The following SMARCE1 variants were observed in gnomAD, a reference collection of about 807,000 sequenced individuals.
SMARCE1 encodes the protein SWI/SNF-related matrix-associated actin-dependent regulator of chromatin subfamily E member 1.
A neutral mutation model predicts 54.9 loss-of-function variants in SMARCE1; 13 were observed. That is an observed-to-expected ratio of 0.24 (90% CI 0.15 to 0.38). SMARCE1 has a LOEUF of 0.38. Ranked by LOEUF, SMARCE1 falls within the 10% of genes least tolerant of loss-of-function variation. The pLI is 1.00. For missense variants in SMARCE1, 295 were observed against 523.8 expected, an observed-to-expected ratio of 0.56 and a Z score of 4.26; for synonymous variants, 151 against 175.3, an observed-to-expected ratio of 0.86 and a Z score of 1.10.
At chr17:40,643,984 G>A (rs546064863) in intron 3 of SMARCE1, 5 of 156,030 alleles carry the variant, frequency 3.2e-5, no homozygotes, top group African/African-American at 1.2e-4. Context: ...TGGTAGTGGT[G>A]GTGATGGTGG....
intron 7 of SMARCE1, 148 bp downstream of exon 7, chr17:40,635,783 T>C: frequency 2.0e-6 from 1 of 509,864 alleles, no homozygotes; most frequent in Non-Finnish European, 3.2e-6. Flanking sequence ...ATACAAATCT[T>C]ACTCAATATA....
chr17:40,639,045 C>T (rs1441409015), intron 4 of SMARCE1, among the ~76,000 whole-genome samples: 2 of 152,140 alleles, frequency 1.3e-5, no homozygotes, highest in Non-Finnish European at 2.9e-5. Context: ...CCTCTCTTTC[C>T]ATTCCTCCCA....
intron 2 of SMARCE1, 65 bp from the exon 3 acceptor site, chr17:40,645,684 A>G (rs2037248337): frequency 8.2e-7 from 1 of 1,223,842 alleles, no homozygotes; most frequent in Non-Finnish European, 1.1e-6. Flanking sequence ...CAACAAAACT[A>G]CCAATGGTCC....
chr17:40,645,345 C>A (rs989006484), intron 3 of SMARCE1: 2 of 418,656 alleles, frequency 4.8e-6, no homozygotes, highest in Admixed American at 4.4e-5. Flanking sequence ...ACAAAACAAA[C>A]TGAGCACAGG....
Position 40,637,501 on chromosome 17 carries a change from G to A in SMARCE1, c.228C>T (p.Tyr76=), listed in dbSNP as rs2143999516. The part of the protein sequence containing the change: ...PDKPLMPYMR[Y]SRKVWDQVKA... ...GGTCCTAAGCACCTACCTTTCTGCTGTACCTCATGTAGGGCATCAGCGGCT... is the reference window on the plus strand; with the variant it reads ...GGTCCTAAGCACCTACCTTTCTGCTATACCTCATGTAGGGCATCAGCGGCT... The change falls in exon 5 of 11, where the codon TAC becomes TAT. Residue 76 remains tyrosine (Y), a synonymous_variant. Transcript: ENST00000348513. 3 of 1,612,736 alleles carry A rather than the reference G, an allele frequency of 1.9e-6. No individual in the cohort carries two copies. Among genetic ancestry groups the A allele is most frequent in the Middle Eastern group, 3.3e-4 (2 of 6,060 alleles).
Position 40,628,881 on chromosome 17 carries a change from T to C in SMARCE1, c.1140A>G (p.Glu380=). 1.2e-6 allele frequency: 2 copies of C among 1,613,898 alleles called. No homozygotes were observed. The highest frequency in any genetic ancestry group is 1.1e-5 in the South Asian group (1 of 91,074). The stretch of plus-strand genomic sequence containing the variant: ...AGCCAGTGTTACTATCACTGGTTCC[T>C]TCCTCTGCCATACTGTCGACCCCCT... ...GQEGVDSMAE[E]GTSDSNTGSE... The change falls in exon 11 of 11, where the codon GAA becomes GAG. Residue 380 remains glutamate (E), a synonymous_variant. Coordinates refer to ENST00000348513, the MANE Select transcript of SMARCE1 (RefSeq NM_003079.5).
rs1337539624 is a variant in SMARCE1, at chr17:40,636,568, A to C, written c.238-42T>G. 4 of 1,518,796 alleles carry C rather than the reference A, an allele frequency of 2.6e-6. No individual in the cohort carries two copies. The African/African-American group carries it at 5.5e-5, about 21-fold the overall frequency. The allele number at this position is 1,518,796 out of a possible 1,614,324, so 94.1% of individuals were successfully genotyped here. On this transcript the variant is annotated intron_variant, in intron 5 of 10. Coordinates refer to ENST00000348513, the MANE Select transcript of SMARCE1 (RefSeq NM_003079.5). ...ATGAAATGTTAATACTGATGTCTAA[A>C]CGTATAGACCTTTAAAAATAGTTTT...
intron 4 of SMARCE1, chr17:40,641,297 C>T (rs2037198294): frequency 6.6e-6 from 1 of 152,164 alleles, no homozygotes; most frequent in Non-Finnish European, 1.5e-5. Context: ...TGCATACATA[C>T]ACACACTTTG....
chr17:40,642,441 G>C lies in SMARCE1; in HGVS notation c.156+14C>G. 6.8e-7 allele frequency: 1 copy of C among 1,480,070 alleles called. No individual in the cohort carries two copies. Among genetic ancestry groups the C allele is most frequent in the Non-Finnish European group, 9.5e-7 (1 of 1,057,796 alleles). 91.7% of individuals were successfully genotyped at this position (1,480,070 alleles called of 1,614,324 possible). A position where few individuals can be genotyped will look rare whatever the true frequency, so the allele number is the denominator to read the frequency against. On this transcript the variant is annotated intron_variant, in intron 4 of 10. Coordinates refer to ENST00000348513, the MANE Select transcript of SMARCE1 (RefSeq NM_003079.5). This position sits in a 1 kb window ranked among gnomAD's most constrained non-coding sequence, Gnocchi z 4.6. Reference sequence around the variant, plus strand: ...CAGTTGTTTGCCGGATGCTGTAATAGTTGATTCTCCTACCGTGACCCGGCT... The same window carrying C: ...CAGTTGTTTGCCGGATGCTGTAATACTTGATTCTCCTACCGTGACCCGGCT...
chr17:40,645,775 A>T (rs1243714619), intron 2 of SMARCE1, 21 bp downstream of exon 2: 3 of 1,137,392 alleles, frequency 2.6e-6, no homozygotes, highest in African/African-American at 3.2e-5. Context: ...TAGATTGATA[A>T]ATATAAAAAT....
intron 5 of SMARCE1, 164 bp from the exon 6 acceptor site, chr17:40,636,690 T>C: frequency 3.6e-6 from 2 of 556,402 alleles, no homozygotes; most frequent in Non-Finnish European, 6.4e-6. Flanking sequence ...AACTGGCCAA[T>C]CTCAAGTTAT....
In SMARCE1 at chr17:40,636,384, C is replaced by T; in HGVS notation, c.369+11G>A. On this transcript the variant is annotated intron_variant, in intron 6 of 10. Coordinates refer to ENST00000348513, the MANE Select transcript of SMARCE1 (RefSeq NM_003079.5). ...ACACATTATCTATCCCACTGTGAGCCCCTACCCTACCTTTTCTGCTTCGTA... is the reference window on the plus strand; with the variant it reads ...ACACATTATCTATCCCACTGTGAGCTCCTACCCTACCTTTTCTGCTTCGTA... 1 of 1,609,956 alleles carries T rather than the reference C, an allele frequency of 6.2e-7. No homozygotes were observed.
chr17:40,636,686 C>T, intron 5 of SMARCE1, 160 bp from the exon 6 acceptor site: 1 of 566,506 alleles, frequency 1.8e-6, no homozygotes, highest in South Asian at 2.3e-5. Context: ...CAAGAACTGG[C>T]CAATCTCAAG....
At chr17:40,629,377 T>C (rs2037067908) in intron 10 of SMARCE1, 1 of 441,260 alleles carries the variant, frequency 2.3e-6, no homozygotes, top group Non-Finnish European at 3.8e-6. Context: ...AAAACACTTG[T>C]TTTGCTTAAC....
chr17:40,638,561 C>A (rs1000944631), intron 4 of SMARCE1, among the ~76,000 whole-genome samples: 1 of 152,098 alleles, frequency 6.6e-6, no homozygotes, highest in African/African-American at 2.4e-5. Flanking sequence ...CTCTGGTAGA[C>A]CACCCAGATA....
Position 40,642,625 on chromosome 17 carries a change from T to A in SMARCE1, c.52-66A>T. 2.0e-6 allele frequency: 2 copies of A among 1,012,230 alleles called. No homozygotes were observed. Among genetic ancestry groups the A allele is most frequent in the South Asian group, 1.3e-5 (1 of 74,250 alleles). 62.7% of individuals were successfully genotyped at this position (1,012,230 alleles called of 1,614,324 possible). On this transcript the variant is annotated intron_variant, in intron 3 of 10. Coordinates refer to ENST00000348513, the MANE Select transcript of SMARCE1 (RefSeq NM_003079.5). The surrounding 1 kb of genome is among the most constrained non-coding windows in gnomAD (Gnocchi z 4.6). The stretch of plus-strand genomic sequence containing the variant: ...AGCTCAAACGAGGAAAACACAGAAA[T>A]GAAAAATGATCTGCATATGGCATGC...
At position 40,628,810 on chromosome 17, in the gene SMARCE1, A is replaced by G; in HGVS notation, c.1211T>C (p.Ile404Thr). ...TTATTCTTTTTTCTCATCTTCTGGT[A>G]TGGGATCTGTTGGTGGCTCCTCCAC... Reference protein sequence around the residue: ...ATVEEPPTDPIPEDEKKE With the variant: ...ATVEEPPTDPTPEDEKKE Residue 404 changes from isoleucine to threonine, a missense_variant, in exon 11 of 11, where the codon ATA becomes ACA. Around this residue, in one of 5 missense-constraint regions of SMARCE1, gnomAD observed 147 missense variants for 161.4 expected, o/e 0.91. Coordinates refer to ENST00000348513, the MANE Select transcript of SMARCE1 (RefSeq NM_003079.5). The G allele has an allele frequency of 6.2e-7, 1 of 1,613,438 alleles. No homozygotes were observed. The highest frequency in any genetic ancestry group is 8.5e-7 in the Non-Finnish European group (1 of 1,179,498).
In SMARCE1 at chr17:40,626,938, C is replaced by A. The variant is rs1469354816; in HGVS notation, c.*1847G>T. The A allele has an allele frequency of 6.6e-6, 1 of 150,970 alleles. No individual in the cohort carries two copies. The highest frequency in any genetic ancestry group is 2.4e-5 in the African/African-American group (1 of 40,938). 9.4% of individuals were successfully genotyped at this position (150,970 alleles called of 1,614,324 possible). A position where few individuals can be genotyped will look rare whatever the true frequency, so the allele number is the denominator to read the frequency against. On this transcript the variant is annotated 3_prime_UTR_variant, in exon 11 of 11. Transcript: ENST00000348513. ...TATGGACAGGCTTGGTCTGGATAGA[C>A]TTGTCTTCCCACTGCTATTTCCAGC...
chr17:40,626,445 A>G lies in SMARCE1; in HGVS notation c.*2340T>C, dbSNP rs564613137. 1 of 152,068 alleles carries G rather than the reference A, an allele frequency of 6.6e-6. No homozygotes were observed. Among genetic ancestry groups the G allele is most frequent in the Non-Finnish European group, 1.5e-5 (1 of 68,018 alleles). 9.4% of individuals were successfully genotyped at this position (152,068 alleles called of 1,614,324 possible). On this transcript the variant is annotated 3_prime_UTR_variant, in exon 11 of 11. Transcript: ENST00000348513. ...TGCCCAGCACCTTTTGGGACATGGGAAAAAAACAAAGACCTCTACCATATC... is the reference window on the plus strand; with the variant it reads ...TGCCCAGCACCTTTTGGGACATGGGGAAAAAACAAAGACCTCTACCATATC...
Sources: gnomAD v4.1 joint callset for allele counts (sites outside exome capture counted in the v4.1 genomes callset) on GRCh38, gnomAD v4.1.1 for gene constraint, gnomAD v4.1.1 regional missense constraint, Gnocchi (gnomAD v3.1) non-coding constraint, MANE v1.5 for transcripts, NCBI Gene and HGNC (gene_info 2026-07-23, HGNC 2026-07-21) for gene names.